GLOD4: variants seen among roughly 807,000 people sequenced by gnomAD.
The protein encoded by GLOD4 is glyoxalase domain containing 4.
GLOD4 carries 44 observed loss-of-function variants against 39.1 expected under a neutral mutation model. The ratio of observed to expected loss-of-function variants is 1.13; its 90% CI spans 0.88 to 1.45. The LOEUF is 1.45. Ranked by LOEUF, GLOD4 falls within the 40% of genes most tolerant of loss-of-function variation. The pLI, the probability that GLOD4 is intolerant of heterozygous loss-of-function variation, is 0.00. For synonymous variants in GLOD4, 145 were observed against 135.0 expected (o/e 1.07, Z -0.52); for missense variants, 405 against 366.4 (o/e 1.11, Z -0.86).
chr17:775,804 T>C lies in GLOD4; in HGVS notation c.377A>G (p.Tyr126Cys). The stretch of plus-strand genomic sequence containing the variant: ...CTGAGGCAGACTGCGATTCTGCAAA[T>C]AGAACTTATATCCTCCCGGGGCCTC... Reference protein sequence around the residue: ...ETEAPGGYKFYLQNRSLPQSD... With the variant: ...ETEAPGGYKFCLQNRSLPQSD... Residue 126 changes from tyrosine to cysteine, a missense_variant, in exon 4 of 9, where the codon TAT (tyrosine) becomes TGT (cysteine). Physicochemically the swap from Tyr to Cys is radical, Grantham distance 194. Coordinates refer to ENST00000301329, the MANE Select transcript of GLOD4 (RefSeq NM_016080.4). 1 of 1,614,048 alleles carries C rather than the reference T, an allele frequency of 6.2e-7. No homozygotes were observed. Among genetic ancestry groups the C allele is most frequent in the Middle Eastern group, 1.7e-4 (1 of 6,052 alleles).
chr17:782,345 G>A (rs1910137645), upstream of GLOD4: 1 of 1,612,474 alleles, frequency 6.2e-7, no homozygotes, highest in Non-Finnish European at 8.5e-7. Context: ...CGCCGACGGC[G>A]CGCTTTCGTG....
intron 1 of GLOD4, chr17:778,946 A>G: frequency 1.7e-6 from 1 of 574,920 alleles, no homozygotes; most frequent in South Asian, 2.3e-5. Flanking sequence ...CAGGCTACCA[A>G]ATCAGTTGTG....
rs760905206 is a variant in GLOD4, at chr17:770,046, G to T, written c.742C>A (p.Pro248Thr). ...ATVQVVILAD[P>T]DGHEICFVGD... ...CCCCCTGCCTGAGAAATACTTACAG[G>T]GTCGGCCAGAATGACCACCTGTACT... Residue 248 changes from proline (P) to threonine (T), a missense_variant and splice_region_variant, in exon 7 of 9, where the codon CCT (proline) becomes ACT (threonine). Pro to Thr is a conservative substitution (Grantham distance 38). Coordinates refer to ENST00000301329, the MANE Select transcript of GLOD4 (RefSeq NM_016080.4). 5 of 1,600,346 alleles carry T rather than the reference G, an allele frequency of 3.1e-6. No homozygotes were observed. The Admixed American group carries it at 5.0e-5, about 16-fold the overall frequency.
In GLOD4 at chr17:760,197, G is replaced by C; in HGVS notation, c.873C>G (p.His291Gln). The C allele has an allele frequency of 6.2e-7, 1 of 1,600,256 alleles. No individual in the cohort carries two copies. Among genetic ancestry groups the C allele is most frequent in the South Asian group, 1.1e-5 (1 of 90,806 alleles). Reference sequence around the variant, plus strand: ...GTTAACCTGAAGCTTTGGGTTTATTGTGTTTGGCAAACCACTCGTCACTTT... The same window carrying C: ...GTTAACCTGAAGCTTTGGGTTTATTCTGTTTGGCAAACCACTCGTCACTTT... ...ADKSDEWFAK[H>Q]NKPKASG The change falls in exon 9 of 9, where the codon CAC (histidine) becomes CAG (glutamine). Residue 291 changes from histidine (H) to glutamine (Q), a missense_variant. His to Gln is a conservative substitution (Grantham distance 24, BLOSUM62 0). Transcript: ENST00000301329.
At chr17:783,113 A>G (rs765315687), upstream of GLOD4, 61 of 1,613,266 alleles carry the variant, frequency 3.8e-5, no homozygotes, top group Admixed American at 1.0e-3. Context: ...AGTCCAGGCC[A>G]TTTCGGGAAA....
chr17:770,017 C>T (rs1907649820), intron 7 of GLOD4, 27 bp downstream of exon 7: 2 of 1,554,878 alleles, frequency 1.3e-6, no homozygotes, highest in Non-Finnish European at 8.9e-7. Flanking sequence ...CCTGGTCCAG[C>T]CTGCCCCCTG....
chr17:760,970 T>C (rs190671701), intron 8 of GLOD4, among the ~76,000 whole-genome samples: 1 of 152,324 alleles, frequency 6.6e-6, no homozygotes, highest in Non-Finnish European at 1.5e-5. Context: ...ATACAAAGCC[T>C]TAACAATAAT....
chr17:760,549 C>A (rs991533487), intron 8 of GLOD4, among the ~76,000 whole-genome samples: 1 of 152,148 alleles, frequency 6.6e-6, no homozygotes, highest in Non-Finnish European at 1.5e-5. Flanking sequence ...GGCGGACCAA[C>A]GAGGTCAGGG....
At chr17:778,011 G>A (rs1909246404) in intron 2 of GLOD4, among the ~76,000 whole-genome samples, 1 of 152,200 alleles carries the variant, frequency 6.6e-6, no homozygotes, top group Admixed American at 6.5e-5. Context: ...GAGCTTCTGG[G>A]ATGCTGAACG....
chr17:767,781 A>T (rs555242441), intron 8 of GLOD4, among the ~76,000 whole-genome samples: 37 of 146,512 alleles, frequency 2.5e-4, no homozygotes, highest in Middle Eastern at 3.9e-3. Flanking sequence ...AGAGGATGTG[A>T]GAGAGAGAAA....
At chr17:770,695 GTTT>G in intron 5 of GLOD4, 188 bp from the exon 6 acceptor site, 1 of 380,164 alleles carries the variant, frequency 2.6e-6, no homozygotes, top group Non-Finnish European at 4.7e-6. Context: ...ACGCATCTAT[GTTT>G]TTTTTTTTAC....
At chr17:775,124 A>G (rs939915156) in intron 4 of GLOD4, among the ~76,000 whole-genome samples, 62 of 149,224 alleles carry the variant, frequency 4.2e-4, no homozygotes, top group Non-Finnish European at 6.7e-4. Context: ...AAAAAAAAAA[A>G]GCTGAGCGTG....
At chr17:772,188 A>G (rs931260328) in intron 4 of GLOD4, among the ~76,000 whole-genome samples, 15 of 7,200 alleles carry the variant, frequency 2.1e-3, no homozygotes, top group South Asian at 0.011. Flanking sequence ...CCCTATCTCG[A>G]AAAAAAAAAA....
chr17:779,319 TAAAAAAAAA>T (rs34487169), intron 1 of GLOD4, among the ~76,000 whole-genome samples: 10 of 43,374 alleles, frequency 2.3e-4, no homozygotes, highest in East Asian at 2.1e-3. Context: ...CATCTCAAAT[TAAAAAAAAA>T]AAAAAAAAAA....
rs200190271 is a variant in GLOD4, at chr17:760,233, C to G, written c.837G>C (p.Met279Ile). ...PEGSKLLDDA[M>I]AADKSDEWFA... The stretch of plus-strand genomic sequence containing the variant: ...ACCACTCGTCACTTTTATCTGCTGC[C>G]ATTGCCTGTAAAATAGAAATAGAAT... Residue 279 changes from methionine to isoleucine, a missense_variant, in exon 9 of 9, where the codon ATG (methionine) becomes ATC (isoleucine). Coordinates refer to ENST00000301329, the MANE Select transcript of GLOD4 (RefSeq NM_016080.4). 3.8e-6 allele frequency: 6 copies of G among 1,567,496 alleles called. No individual in the cohort carries two copies. Among genetic ancestry groups the G allele is most frequent in the Non-Finnish European group, 5.3e-6 (6 of 1,137,348 alleles).
At chr17:781,506 C>T (rs1170276111) in intron 1 of GLOD4, among the ~76,000 whole-genome samples, 3 of 152,198 alleles carry the variant, frequency 2.0e-5, no homozygotes, top group Non-Finnish European at 4.4e-5. Flanking sequence ...AGATCCCCGT[C>T]TATTGCACCG....
chr17:783,147 G>T, upstream of GLOD4: 2 of 1,614,110 alleles, frequency 1.2e-6, no homozygotes, highest in South Asian at 2.2e-5. Context: ...CCTGCTGGAA[G>T]GTCGCAGGCT....
rs1226849 is a variant in GLOD4 at position 767,943 on chromosome 17, A to G, written c.831+1926T>C. On this transcript the variant is annotated intron_variant, in intron 8 of 8. Transcript: ENST00000301329. The stretch of plus-strand genomic sequence containing the variant: ...TTTAGAAAAAATCTGGAGAGGACGT[A>G]AGAGAGAGAAACAGCGCGCACTCAG... Among the ~76,000 whole-genome samples the G allele has an allele frequency of 5.9e-4, 68 of 114,892 alleles. 1 individual carries two copies. Among genetic ancestry groups the G allele is most frequent in the East Asian group, 4.6e-3 (16 of 3,474 alleles). 75.4% of individuals were successfully genotyped at this position (114,892 alleles called of 152,430 possible).
chr17:771,163 C>G (rs1257057299), intron 5 of GLOD4, 162 bp downstream of exon 5: 1 of 519,832 alleles, frequency 1.9e-6, no homozygotes, highest in African/African-American at 2.0e-5. Context: ...AAGGTTATCA[C>G]TTATTTTCTT....
Sources: gnomAD v4.1 joint callset for allele counts (sites outside exome capture counted in the v4.1 genomes callset) on GRCh38, gnomAD v4.1.1 for gene constraint, MANE v1.5 for transcripts, NCBI Gene and HGNC (gene_info 2026-07-23, HGNC 2026-07-21) for gene names.